The following RAB3GAP2 variants were observed in gnomAD, a reference collection of about 807,000 sequenced individuals.
RAB3GAP2 encodes the protein rab3 GTPase-activating protein non-catalytic subunit.
RAB3GAP2 carries 87 observed loss-of-function variants against 185.3 expected under a neutral mutation model. That is an observed-to-expected ratio of 0.47 (90% confidence interval 0.39 to 0.56). RAB3GAP2 has a LOEUF of 0.56. Ranked by LOEUF, RAB3GAP2 falls within the 20% of genes least tolerant of loss-of-function variation. The pLI, the probability that RAB3GAP2 is intolerant of heterozygous loss-of-function variation, is 0.00. For synonymous variants in RAB3GAP2, 554 were observed against 576.1 expected (o/e 0.96, Z 0.55); for missense variants, 1,492 against 1,638.2 (o/e 0.91, Z 1.54).
At chr1:220,172,095 A>G (rs1156994598) in intron 22 of RAB3GAP2, 46 bp from the exon 23 acceptor site, 7 of 1,595,304 alleles carry the variant, frequency 4.4e-6, no homozygotes, top group African/African-American at 1.3e-5. Context: ...TACCCTGTCA[A>G]TTTTTTGGAC....
intron 21 of RAB3GAP2, among the ~76,000 whole-genome samples, chr1:220,179,220 G>A (rs373088921): frequency 3.9e-5 from 5 of 128,282 alleles, no homozygotes; most frequent in African/African-American, 9.2e-5. Context: ...CTGCACTCCC[G>A]CCTGGGCGAC....
At chr1:220,246,373 G>A (rs1251493184) in intron 1 of RAB3GAP2, among the ~76,000 whole-genome samples, 2 of 147,018 alleles carry the variant, frequency 1.4e-5, no homozygotes, top group Admixed American at 6.8e-5. Flanking sequence ...GATTCCTCAG[G>A]GATCTAGAAC....
At chr1:220,162,413 T>C (rs1380706771) in intron 27 of RAB3GAP2, 145 bp from the exon 28 acceptor site, 2 of 631,872 alleles carry the variant, frequency 3.2e-6, no homozygotes, top group Non-Finnish European at 5.5e-6. Context: ...ATAAAGTTCA[T>C]GAAATCTTTA....
rs932258475 is a variant in RAB3GAP2, at chr1:220,183,969, C to T, written c.1998+67G>A. 53 of 1,309,106 alleles carry T rather than the reference C, an allele frequency of 4.0e-5. No individual in the cohort carries two copies. The African/African-American group carries it at 7.7e-4, about 19-fold the overall frequency. The allele number at this position is 1,309,106 out of a possible 1,614,324, so 81.1% of individuals were successfully genotyped here. A position where few individuals can be genotyped will look rare whatever the true frequency, so the allele number is the denominator to read the frequency against. Reference sequence around the variant, plus strand: ...TTCTTAATTTTCTACTTCTTTACTACTAATTTTAAAAAGTAAAACTAATCA... The same window carrying T: ...TTCTTAATTTTCTACTTCTTTACTATTAATTTTAAAAAGTAAAACTAATCA... On this transcript the variant is annotated intron_variant, in intron 19 of 34. Transcript: ENST00000358951.
intron 7 of RAB3GAP2, chr1:220,208,218 C>A (rs546775493): frequency 2.0e-5 from 3 of 152,278 alleles, no homozygotes; most frequent in African/African-American, 7.2e-5. Context: ...TTTTAAAAAG[C>A]TTCGTCATCC....
intron 2 of RAB3GAP2, among the ~76,000 whole-genome samples, chr1:220,214,921 CCTT>C (rs151053226): frequency 0.11 from 12,969 of 123,154 alleles, 872 homozygotes; most frequent in African/African-American, 0.22. Context: ...CCTTTTCCTC[CCTT>C]TTTCTTACAA....
intron 19 of RAB3GAP2, 127 bp from the exon 20 acceptor site, chr1:220,183,058 T>G: frequency 1.4e-6 from 1 of 722,798 alleles, no homozygotes; most frequent in Non-Finnish European, 2.3e-6. Flanking sequence ...GTATTCTGCT[T>G]AAAACTTTAC....
Position 220,195,142 on chromosome 1 carries a change from G to A in RAB3GAP2, c.1066C>T (p.His356Tyr), listed in dbSNP as rs749026164. The A allele has an allele frequency of 8.1e-6, 13 of 1,614,080 alleles. No homozygotes were observed. The highest frequency in any genetic ancestry group is 7.6e-6 in the Non-Finnish European group (9 of 1,179,998). Residue 356 changes from histidine (H) to tyrosine (Y), a missense_variant, in exon 12 of 35, where the codon CAC becomes TAC. This residue lies in a region of RAB3GAP2 where 243 missense variants were observed against 314.8 expected (regional missense o/e 0.77). Coordinates refer to ENST00000358951, the MANE Select transcript of RAB3GAP2 (RefSeq NM_012414.4). ...ASGWLGWKSK[H>Y]EEEAVQKQKP... The stretch of plus-strand genomic sequence containing the variant: ...TGCTTTTGGACAGCTTCTTCTTCGT[G>A]CTTACTTTTCCAACCAAGCCAACCA...
chr1:220,153,419 G>C lies in RAB3GAP2; in HGVS notation c.3646-13C>G. ...CTTTCAATAAGAACTTGAAAATGGAGAAAGAGATAGAGCAATGCATTGTTA... is the reference window on the plus strand; with the variant it reads ...CTTTCAATAAGAACTTGAAAATGGACAAAGAGATAGAGCAATGCATTGTTA... On this transcript the variant is annotated splice_polypyrimidine_tract_variant and intron_variant, in intron 32 of 34. Coordinates refer to ENST00000358951, the MANE Select transcript of RAB3GAP2 (RefSeq NM_012414.4). 1 of 1,604,022 alleles carries C rather than the reference G, an allele frequency of 6.2e-7. No individual in the cohort carries two copies. Among genetic ancestry groups the C allele is most frequent in the South Asian group, 1.1e-5 (1 of 90,876 alleles).
At chr1:220,202,702 G>A (rs1658885493) in intron 8 of RAB3GAP2, among the ~76,000 whole-genome samples, 1 of 152,176 alleles carries the variant, frequency 6.6e-6, no homozygotes, top group African/African-American at 2.4e-5. Flanking sequence ...CAGCACTTTG[G>A]GAGGCCGAGG....
At chr1:220,207,015 C>A (rs971318434) in intron 7 of RAB3GAP2, among the ~76,000 whole-genome samples, 1 of 152,106 alleles carries the variant, frequency 6.6e-6, no homozygotes, top group Non-Finnish European at 1.5e-5. Flanking sequence ...AACTGTAAGC[C>A]CCATGAAAGC....
At chr1:220,256,810 T>A (rs1660039504) in intron 1 of RAB3GAP2, among the ~76,000 whole-genome samples, 1 of 152,088 alleles carries the variant, frequency 6.6e-6, no homozygotes, top group Non-Finnish European at 1.5e-5. Flanking sequence ...AGTGGGAGAT[T>A]TTAACACCAA....
intron 17 of RAB3GAP2, among the ~76,000 whole-genome samples, chr1:220,186,401 G>A (rs75869688): frequency 1.3e-5 from 2 of 152,112 alleles, no homozygotes; most frequent in Admixed American, 6.6e-5. Flanking sequence ...CTGAGAATGT[G>A]GGATAAGACA....
chr1:220,204,314 A>G (rs1658916946), intron 8 of RAB3GAP2, among the ~76,000 whole-genome samples: 1 of 152,130 alleles, frequency 6.6e-6, no homozygotes, highest in Non-Finnish European at 1.5e-5. Context: ...ACCTATTTTC[A>G]GAATCTTTTA....
intron 1 of RAB3GAP2, among the ~76,000 whole-genome samples, chr1:220,241,829 TTC>T (rs1019583863): frequency 5.9e-5 from 9 of 152,022 alleles, no homozygotes; most frequent in Non-Finnish European, 7.4e-5. Context: ...TCTATTATAA[TTC>T]TGTTTTTTTA....
chr1:220,257,992 T>TA (rs1201529475), intron 1 of RAB3GAP2, among the ~76,000 whole-genome samples: 1 of 151,830 alleles, frequency 6.6e-6, no homozygotes, highest in African/African-American at 2.4e-5. Context: ...AGAAAATCTA[T>TA]AAAAAATGGA....
intron 33 of RAB3GAP2, among the ~76,000 whole-genome samples, chr1:220,152,665 G>C (rs1657781879): frequency 6.6e-6 from 1 of 152,060 alleles, no homozygotes; most frequent in South Asian, 2.1e-4. Context: ...CCACTCTACT[G>C]TAGTGGCTCC....
chr1:220,153,227 C>G lies in RAB3GAP2; in HGVS notation c.3825G>C (p.Val1275=), dbSNP rs940729257. 32 of 1,613,966 alleles carry G rather than the reference C, an allele frequency of 2.0e-5. No homozygotes were observed. Among genetic ancestry groups the G allele is most frequent in the Non-Finnish European group, 2.3e-5 (27 of 1,179,970 alleles). The change falls in exon 33 of 35, where the codon GTG becomes GTC. Residue 1275 remains valine (V), a synonymous_variant. Transcript: ENST00000358951. ...VSEDVVRRHY[V]GELYNYGVDH... Reference sequence around the variant, plus strand: ...CAACTCCATAGTTGTATAGTTCCCCCACATAATGCCTTCTAACAACATCTT... The same window carrying G: ...CAACTCCATAGTTGTATAGTTCCCCGACATAATGCCTTCTAACAACATCTT...
chr1:220,204,277 T>C (rs1272657091), intron 8 of RAB3GAP2, among the ~76,000 whole-genome samples: 2 of 152,190 alleles, frequency 1.3e-5, no homozygotes, highest in Non-Finnish European at 2.9e-5. Context: ...GCTTTTTTAC[T>C]AGGTCAGAAT....
Sources: allele counts gnomAD v4.1 joint callset (sites outside exome capture counted in the v4.1 genomes callset), GRCh38; gene constraint gnomAD v4.1.1; regional missense constraint gnomAD v4.1.1; transcripts MANE v1.5; gene names NCBI Gene and HGNC (gene_info 2026-07-23, HGNC 2026-07-21).